The following UBFD1 variants were observed in gnomAD, a reference collection of about 807,000 sequenced individuals.
UBFD1 encodes ubiquitin domain-containing protein UBFD1.
A neutral mutation model predicts 35.1 loss-of-function variants in UBFD1; 12 were observed. That is an observed-to-expected ratio of 0.34 (90% CI 0.22 to 0.55). UBFD1 has a LOEUF of 0.55. UBFD1 is among the 20% of genes least tolerant of loss of function. The pLI, the probability that UBFD1 is intolerant of heterozygous loss-of-function variation, is 0.89. For missense variants in UBFD1, 337 were observed against 410.8 expected (o/e 0.82, Z 1.55); for synonymous variants, 178 against 167.6 (o/e 1.06, Z -0.48).
At chr16:23,558,376 C>T (rs1259534954) in intron 2 of UBFD1, 97 bp downstream of exon 2, 4 of 1,422,738 alleles carry the variant, frequency 2.8e-6, no homozygotes, top group Non-Finnish European at 3.8e-6. Context: ...TGCATCAGGT[C>T]CCCCCATCCT....
chr16:23,568,029 T>C (rs1244901309), intron 6 of UBFD1, among the ~76,000 whole-genome samples: 3 of 152,236 alleles, frequency 2.0e-5, no homozygotes, highest in African/African-American at 7.2e-5. Context: ...GTTGGCATCC[T>C]GCCTAGTGTG....
chr16:23,569,557 AAAAAAT>A (rs1966056145), intron 6 of UBFD1: 1 of 152,242 alleles, frequency 6.6e-6, no homozygotes, highest in Non-Finnish European at 1.5e-5. Context: ...TCCAGCTCAG[AAAAAAT>A]AAAAATAAAA....
intron 1 of UBFD1, 37 bp downstream of exon 1, chr16:23,557,804 C>A: frequency 7.8e-7 from 1 of 1,276,468 alleles, no homozygotes. Flanking sequence ...CGGGCCGGGG[C>A]TGAGGTTGCG....
At chr16:23,564,521 A>G (rs905447213) in intron 5 of UBFD1, 2 of 152,198 alleles carry the variant, frequency 1.3e-5, no homozygotes, top group African/African-American at 4.8e-5. Flanking sequence ...TATCAGTAGT[A>G]AGCTGCCCAG....
intron 3 of UBFD1, among the ~76,000 whole-genome samples, chr16:23,560,654 A>G (rs1218114647): frequency 6.6e-6 from 1 of 152,216 alleles, no homozygotes; most frequent in African/African-American, 2.4e-5. Flanking sequence ...AATTAGTGTG[A>G]ATTTTCCTCT....
rs774171942 is a variant in UBFD1 at position 23,567,078 on chromosome 16, C to T, written c.819+9C>T. On this transcript the variant is annotated intron_variant, in intron 6 of 6. Transcript: ENST00000395878. ...AAGACTACCACATGATGGTAAGTAG[C>T]GCTGGCTGAGTTCAGCCCCTCTCAC... The T allele has an allele frequency of 2.3e-4, 372 of 1,613,702 alleles. No individual in the cohort carries two copies. Among genetic ancestry groups the T allele is most frequent in the Non-Finnish European group, 3.0e-4 (351 of 1,179,728 alleles).
chr16:23,571,010 G>T lies in UBFD1; in HGVS notation c.*420G>T, dbSNP rs1317421005. 1 of 151,502 alleles carries T rather than the reference G, an allele frequency of 6.6e-6. No individual in the cohort carries two copies. The allele number at this position is 151,502 out of a possible 1,614,324, so 9.4% of individuals were successfully genotyped here. A position where few individuals can be genotyped will look rare whatever the true frequency, so the allele number is the denominator to read the frequency against. ...ATACATCTTTGGTTGCAAACATTTGGACTGCATTGCAATGAGTTGGGGTGT... is the reference window on the plus strand; with the variant it reads ...ATACATCTTTGGTTGCAAACATTTGTACTGCATTGCAATGAGTTGGGGTGT... On this transcript the variant is annotated 3_prime_UTR_variant, in exon 7 of 7. Coordinates refer to ENST00000395878, the MANE Select transcript of UBFD1 (RefSeq NM_019116.3).
chr16:23,568,999 T>C (rs1297395411), intron 6 of UBFD1: 4 of 152,126 alleles, frequency 2.6e-5, no homozygotes, highest in African/African-American at 9.7e-5. Context: ...GTGGACTGTT[T>C]TGGACGTCTT....
chr16:23,561,588 C>T (rs1444669535), intron 3 of UBFD1: 1 of 152,174 alleles, frequency 6.6e-6, no homozygotes, highest in Non-Finnish European at 1.5e-5. Context: ...GGTGGCTCTT[C>T]CAGGTTCCTG....
At chr16:23,559,266 C>T in intron 2 of UBFD1, 2 of 517,346 alleles carry the variant, frequency 3.9e-6, no homozygotes, top group South Asian at 2.2e-5. Flanking sequence ...TGAAACAGGT[C>T]TGTACAGAAG....
At chr16:23,567,181 G>C in intron 6 of UBFD1, 112 bp downstream of exon 6, 1 of 1,001,238 alleles carries the variant, frequency 1.0e-6, no homozygotes, top group South Asian at 1.5e-5. Flanking sequence ...TCCAGAAGAT[G>C]CACTTTTTTA....
At chr16:23,568,403 C>T (rs1040024839) in intron 6 of UBFD1, among the ~76,000 whole-genome samples, 1 of 151,370 alleles carries the variant, frequency 6.6e-6, no homozygotes, top group Admixed American at 6.6e-5. Context: ...GGCGATCCGC[C>T]CACCTCAGCC....
chr16:23,557,819 C>T (rs1469757704), intron 1 of UBFD1, 52 bp downstream of exon 1: 16 of 1,276,506 alleles, frequency 1.3e-5, no homozygotes, highest in Non-Finnish European at 1.5e-5. Flanking sequence ...GTTGCGGTCG[C>T]TCCTCTGGGG....
chr16:23,565,887 C>T (rs1393194037), intron 5 of UBFD1: 3 of 125,748 alleles, frequency 2.4e-5, no homozygotes, highest in Admixed American at 9.2e-5. Context: ...GAGGTGTCTG[C>T]TGCTCCAGGA....
intron 5 of UBFD1, among the ~76,000 whole-genome samples, chr16:23,563,295 A>G (rs1362747421): frequency 6.6e-6 from 1 of 151,990 alleles, no homozygotes; most frequent in Admixed American, 6.6e-5. Context: ...TAGTAGGTGA[A>G]GTTTTCCTAA....
At position 23,566,875 on chromosome 16, in the gene UBFD1, C is replaced by T. The variant is rs1015216606; in HGVS notation, c.737-112C>T. 2.6e-5 allele frequency: 26 copies of T among 1,001,576 alleles called. No homozygotes were observed. In the African/African-American group the frequency reaches 3.8e-4, roughly 15 times the overall value. 62.0% of individuals were successfully genotyped at this position (1,001,576 alleles called of 1,614,324 possible). On this transcript the variant is annotated intron_variant, in intron 5 of 6. Coordinates refer to ENST00000395878, the MANE Select transcript of UBFD1 (RefSeq NM_019116.3). The stretch of plus-strand genomic sequence containing the variant: ...TCCCCAGAGGGCATGGCGCCAGTCA[C>T]TTGAGTTTACTGTAGATCCCGCAGC...
In UBFD1 at chr16:23,570,473, C is replaced by T. The variant is rs774083841; in HGVS notation, c.820-7C>T. 4 of 1,612,274 alleles carry T rather than the reference C, an allele frequency of 2.5e-6. No homozygotes were observed. The highest frequency in any genetic ancestry group is 3.4e-6 in the Non-Finnish European group (4 of 1,178,932). The stretch of plus-strand genomic sequence containing the variant: ...AGTACCGCTTGGTTTTCCTTTTTCC[C>T]TTCCAGGCGTTTCAGTTGGGCCCCA... On this transcript the variant is annotated splice_region_variant and splice_polypyrimidine_tract_variant and intron_variant, in intron 6 of 6. Transcript: ENST00000395878.
In UBFD1 at chr16:23,574,147, C is replaced by A. The variant is rs79742498; in HGVS notation, c.*3557C>A. ...TACTGCTTTCTCAATTTCTAAGAACCTTTTTTTTTTCTTAAAGAGTTCTGC... is the reference window on the plus strand; with the variant it reads ...TACTGCTTTCTCAATTTCTAAGAACATTTTTTTTTTCTTAAAGAGTTCTGC... On this transcript the variant is annotated 3_prime_UTR_variant, in exon 7 of 7. Coordinates refer to ENST00000395878, the MANE Select transcript of UBFD1 (RefSeq NM_019116.3). 1 of 150,352 alleles carries A rather than the reference C, an allele frequency of 6.7e-6. No homozygotes were observed. The highest frequency in any genetic ancestry group is 2.1e-4 in the South Asian group (1 of 4,734). The allele number at this position is 150,352 out of a possible 1,614,324, so 9.3% of individuals were successfully genotyped here.
chr16:23,562,318 C>T (rs1351524833), intron 4 of UBFD1, 47 bp downstream of exon 4: 1 of 1,568,350 alleles, frequency 6.4e-7, no homozygotes, highest in African/African-American at 1.4e-5. Context: ...GGCAGCCCCA[C>T]CGTCTGACTT....
Sources: allele counts gnomAD v4.1 joint callset (sites outside exome capture counted in the v4.1 genomes callset), GRCh38; gene constraint gnomAD v4.1.1; transcripts MANE v1.5; gene names NCBI Gene and HGNC (gene_info 2026-07-23, HGNC 2026-07-21).